Variants in AMZ1 observed in about 807,000 individuals in gnomAD.
The protein encoded by AMZ1 is archaemetzincin-1.
A neutral mutation model predicts 29.9 loss-of-function variants in AMZ1; 39 were observed. The observed-to-expected ratio is 1.30, with a 90% CI of 1.01 to 1.70. AMZ1 has a LOEUF of 1.70. AMZ1 is among the 40% of genes most tolerant of loss of function. The pLI is 0.00. For missense variants in AMZ1, 1,041 were observed against 680.6 expected (o/e 1.53, Z -5.89); for synonymous variants, 458 against 304.0 (o/e 1.51, Z -5.27).
upstream of AMZ1, among the ~76,000 whole-genome samples, chr7:2,684,161 G>C (rs1786986588): frequency 2.6e-5 from 4 of 151,836 alleles, no homozygotes; most frequent in Admixed American, 2.6e-4. Context: ...CCGGGTGACA[G>C]AGCGAGACTC....
intron 4 of AMZ1, chr7:2,728,084 T>A (rs1789699888): frequency 6.6e-6 from 1 of 152,116 alleles, no homozygotes; most frequent in African/African-American, 2.4e-5. Flanking sequence ...AATTTAGTGT[T>A]GGTTTTGAAT....
intron 4 of AMZ1, chr7:2,727,991 A>AG (rs1341846753): frequency 1.1e-4 from 14 of 132,770 alleles, no homozygotes; most frequent in African/African-American, 4.1e-4. Flanking sequence ...CACGAGGTGG[A>AG]GGGAGACTCT....
Position 2,682,940 on chromosome 7 carries a change from C to T in AMZ1, c.-219+3269C>T, listed in dbSNP as rs544107404. 3.9e-5 allele frequency among the ~76,000 whole-genome samples: 6 copies of T among 152,360 alleles called. No individual in the cohort carries two copies. The South Asian group carries it at 8.3e-4, about 21-fold the overall frequency. On this transcript the variant is annotated intron_variant, in intron 1 of 6. Transcript: ENST00000312371. The stretch of plus-strand genomic sequence containing the variant: ...TCATCTTGCTGTGCGGTGAAGCCAG[C>T]CTCAGAGCCGTCCTCCTCTGTCCCC...
At chr7:2,681,304 C>T (rs1583126199) in intron 1 of AMZ1, among the ~76,000 whole-genome samples, 1 of 152,154 alleles carries the variant, frequency 6.6e-6, no homozygotes. Context: ...CTCACTGCAG[C>T]CTTGACCTCC....
upstream of AMZ1, among the ~76,000 whole-genome samples, chr7:2,760,768 C>G (rs934866336): frequency 6.6e-6 from 1 of 152,248 alleles, no homozygotes; most frequent in African/African-American, 2.4e-5. Context: ...CTAGGGACAG[C>G]GTCGAGCTCC....
rs1393849043 is a variant in AMZ1 at position 2,714,221 on chromosome 7, C to G, written c.*1343C>G. ...ACCCTCATCTGGAGAGAGGCAAGAA[C>G]AGGGCAGCTTGGACCTTTTGTGGGT... On this transcript the variant is annotated 3_prime_UTR_variant, in exon 7 of 7. Coordinates refer to ENST00000683327, the MANE Select transcript of AMZ1 (RefSeq NM_001384743.1). The G allele has an allele frequency of 6.6e-6, 1 of 152,344 alleles. No individual in the cohort carries two copies. Among genetic ancestry groups the G allele is most frequent in the East Asian group, 1.9e-4 (1 of 5,332 alleles). The allele number at this position is 152,344 out of a possible 1,614,324, so 9.4% of individuals were successfully genotyped here.
intron 4 of AMZ1, among the ~76,000 whole-genome samples, chr7:2,745,384 A>G (rs945291550): frequency 6.6e-6 from 1 of 152,232 alleles, no homozygotes; most frequent in Admixed American, 6.5e-5. Flanking sequence ...TAAAGAAAAT[A>G]ATTTTCAACC....
downstream of AMZ1, among the ~76,000 whole-genome samples, chr7:2,720,085 T>G (rs1016110312): frequency 1.3e-5 from 2 of 152,178 alleles, no homozygotes; most frequent in Admixed American, 6.5e-5. Context: ...TTCCTTGCAT[T>G]TGAGAAGGCA....
chr7:2,760,710 C>CCTGT (rs1791513322), upstream of AMZ1, among the ~76,000 whole-genome samples: 1 of 152,240 alleles, frequency 6.6e-6, no homozygotes, highest in Non-Finnish European at 1.5e-5. Context: ...CTTCTACAGG[C>CCTGT]AGCTTATCCA....
chr7:2,709,047 G>T (rs1403435483), intron 4 of AMZ1, 28 bp from the exon 5 acceptor site: 1 of 1,541,122 alleles, frequency 6.5e-7, no homozygotes, highest in Admixed American at 2.1e-5. Context: ...TGACCCCTGA[G>T]AGTGCCCTTC....
intron 4 of AMZ1, among the ~76,000 whole-genome samples, chr7:2,755,910 T>G (rs73049327): frequency 0.11 from 16,635 of 152,268 alleles, 1,049 homozygotes; most frequent in Middle Eastern, 0.18. Flanking sequence ...TGATCTAGAT[T>G]GAATACCAGT....
At chr7:2,760,788 G>C (rs980087217), upstream of AMZ1, among the ~76,000 whole-genome samples, 3 of 152,186 alleles carry the variant, frequency 2.0e-5, no homozygotes, top group East Asian at 5.8e-4. Context: ...CCTACTGCTG[G>C]ACCGTCCCAG....
intron 3 of AMZ1, among the ~76,000 whole-genome samples, chr7:2,705,202 CTG>C (rs1008181574): frequency 2.0e-5 from 3 of 152,340 alleles, no homozygotes; most frequent in Non-Finnish European, 4.4e-5. Flanking sequence ...AAAGGGCTGA[CTG>C]TGGGACAAAG....
At chr7:2,763,190 CAACACACA>C, upstream of AMZ1, 1 of 307,860 alleles carries the variant, frequency 3.2e-6, no homozygotes, top group Non-Finnish European at 4.4e-6. Context: ...CAAGACACCC[CAACACACA>C]CACACACACA....
At chr7:2,747,592 TC>T (rs903135859) in intron 4 of AMZ1, among the ~76,000 whole-genome samples, 24 of 152,118 alleles carry the variant, frequency 1.6e-4, no homozygotes, top group Admixed American at 1.4e-3. Flanking sequence ...CTGGAAGCAT[TC>T]CCTTTGAAAA....
At chr7:2,694,936 G>A (rs1017336783) in intron 1 of AMZ1, among the ~76,000 whole-genome samples, 1 of 152,126 alleles carries the variant, frequency 6.6e-6, no homozygotes, top group Non-Finnish European at 1.5e-5. Context: ...ACCTCCCAAG[G>A]TGCTGGGATT....
chr7:2,699,364 C>T (rs900119021), intron 1 of AMZ1, among the ~76,000 whole-genome samples: 3 of 152,186 alleles, frequency 2.0e-5, no homozygotes, highest in Admixed American at 1.3e-4. Flanking sequence ...CGTCTCCTCC[C>T]TACCTGGTCC....
At chr7:2,695,060 G>A (rs902730490) in intron 1 of AMZ1, among the ~76,000 whole-genome samples, 2 of 152,166 alleles carry the variant, frequency 1.3e-5, no homozygotes, top group Admixed American at 6.6e-5. Flanking sequence ...ACCACTGATC[G>A]TGCATCTCAG....
intron 1 of AMZ1, among the ~76,000 whole-genome samples, chr7:2,698,533 A>G (rs1021083693): frequency 3.9e-5 from 6 of 152,030 alleles, no homozygotes; most frequent in African/African-American, 1.2e-4. Flanking sequence ...GCAAGACTCC[A>G]TCTAAAAAAA....
Sources: gnomAD v4.1 joint callset for allele counts (sites outside exome capture counted in the v4.1 genomes callset) on GRCh38, gnomAD v4.1.1 for gene constraint, MANE v1.5 for transcripts, NCBI Gene and HGNC (gene_info 2026-07-23, HGNC 2026-07-21) for gene names.